The following NDRG1 variants were observed in gnomAD, a reference collection of about 807,000 sequenced individuals.
NDRG1 encodes the protein N-myc downstream regulated 1.
A neutral mutation model predicts 56.9 loss-of-function variants in NDRG1; 32 were observed. That is an observed-to-expected ratio of 0.56 (90% CI 0.42 to 0.76). NDRG1 has a LOEUF of 0.76. NDRG1 is among the 30% of genes least tolerant of loss of function. The pLI is 0.00. For missense variants in NDRG1, 507 were observed against 545.7 expected (o/e 0.93, Z 0.71); for synonymous variants, 211 against 204.1 (o/e 1.03, Z -0.29).
intron 12 of NDRG1, among the ~76,000 whole-genome samples, chr8:133,246,885 C>T (rs1855715006): frequency 6.6e-6 from 1 of 152,128 alleles, no homozygotes; most frequent in African/African-American, 2.4e-5. Context: ...CTTCTTTGGG[C>T]CTCAGTTTCC....
Position 133,258,735 on chromosome 8 carries a change from A to G in NDRG1, c.390-309T>C, listed in dbSNP as rs76311337. ...ACTCTTAAGCTTTATTTTGGATTCT[A>G]AAACTTGGAATGAAAACAAATTGAG... On this transcript the variant is annotated intron_variant, in intron 6 of 15. Transcript: ENST00000323851. Among the ~76,000 whole-genome samples, 1,441 of 152,330 alleles carry G rather than the reference A, an allele frequency of 9.5e-3. 8 individuals carry two copies. The highest frequency in any genetic ancestry group is 0.017 in the South Asian group (83 of 4,832).
At chr8:133,265,098 T>C in intron 3 of NDRG1, 1 of 252,484 alleles carries the variant, frequency 4.0e-6, no homozygotes, top group Non-Finnish European at 8.0e-6. Context: ...AGCCCTCAGT[T>C]TCCTTCAGGA....
chr8:133,264,480 C>T (rs901834572), intron 4 of NDRG1, 67 bp downstream of exon 4: 82 of 1,442,572 alleles, frequency 5.7e-5, no homozygotes, highest in Middle Eastern at 1.9e-4. Flanking sequence ...CAGCCCTTCT[C>T]GGCTGCCTTT....
In NDRG1 at chr8:133,244,519, G is replaced by C. The variant is rs984604047; in HGVS notation, c.856-129C>G. 8.4e-6 allele frequency: 9 copies of C among 1,072,538 alleles called. 1 individual carries two copies. The African/African-American group carries it at 1.4e-4, about 17-fold the overall frequency. 66.4% of individuals were successfully genotyped at this position (1,072,538 alleles called of 1,614,324 possible). ...TGCCTTGTCCTGCCTTACAAAGGAG[G>C]AACAGGGTGGACCGTGGGTAGGGAA... On this transcript the variant is annotated intron_variant, in intron 13 of 15. Transcript: ENST00000323851.
intron 1 of NDRG1, among the ~76,000 whole-genome samples, chr8:133,286,044 G>A (rs780197933): frequency 9.2e-5 from 14 of 152,260 alleles, no homozygotes; most frequent in Non-Finnish European, 1.9e-4. Flanking sequence ...AGCAAAGCGC[G>A]CCAGGGTGAA....
chr8:133,294,817 C>T (rs575859933), intron 1 of NDRG1, among the ~76,000 whole-genome samples: 1 of 152,336 alleles, frequency 6.6e-6, no homozygotes, highest in South Asian at 2.1e-4. Context: ...CCTTTGGCCT[C>T]AAAAGTTTCC....
At chr8:133,277,232 TGAG>T (rs1279445200) in intron 3 of NDRG1, among the ~76,000 whole-genome samples, 2 of 152,166 alleles carry the variant, frequency 1.3e-5, no homozygotes, top group Non-Finnish European at 2.9e-5. Flanking sequence ...AAAGCTAGAA[TGAG>T]GAGTTGTTTA....
intron 1 of NDRG1, among the ~76,000 whole-genome samples, chr8:133,294,799 G>C (rs1397990612): frequency 6.6e-6 from 1 of 152,030 alleles, no homozygotes; most frequent in African/African-American, 2.4e-5. Context: ...AAATCATTCC[G>C]CTCTGCCCCT....
intron 1 of NDRG1, among the ~76,000 whole-genome samples, chr8:133,296,319 G>A (rs1016848961): frequency 6.6e-6 from 1 of 152,124 alleles, no homozygotes; most frequent in African/African-American, 2.4e-5. Context: ...GCCAGCTCAA[G>A]GGGCCGCCAA....
At position 133,248,624 on chromosome 8, in the gene NDRG1, G is replaced by T. The variant is rs1432363719; in HGVS notation, c.755+91C>A. 8 of 1,415,304 alleles carry T rather than the reference G, an allele frequency of 5.7e-6. No individual in the cohort carries two copies. The Admixed American group carries it at 1.3e-4, about 24-fold the overall frequency. 87.7% of individuals were successfully genotyped at this position (1,415,304 alleles called of 1,614,324 possible). On this transcript the variant is annotated intron_variant, in intron 11 of 15. Transcript: ENST00000323851. ...CCAGGTCTCACTGACACAATGTCCT[G>T]CCACACTCAGAAAGAAGGCCCTGCC... is the stretch of plus-strand genomic sequence containing the variant.
At chr8:133,252,284 G>A (rs373223345) in intron 9 of NDRG1, among the ~76,000 whole-genome samples, 4 of 152,064 alleles carry the variant, frequency 2.6e-5, no homozygotes, top group South Asian at 2.1e-4. Context: ...CAGTAGAGAC[G>A]GGGTTTCACC....
intron 3 of NDRG1, among the ~76,000 whole-genome samples, chr8:133,275,563 A>G (rs538127179): frequency 2.0e-5 from 3 of 152,284 alleles, no homozygotes; most frequent in Admixed American, 6.5e-5. Flanking sequence ...CTTAAAAAAA[A>G]GCCTCAACCT....
chr8:133,275,698 T>C (rs1378225413), intron 3 of NDRG1, among the ~76,000 whole-genome samples: 4 of 152,238 alleles, frequency 2.6e-5, no homozygotes, highest in East Asian at 3.9e-4. Context: ...TGTTTGACTC[T>C]TTCTTCTGAG....
At chr8:133,264,108 A>G (rs1175849580) in intron 4 of NDRG1, among the ~76,000 whole-genome samples, 3 of 152,214 alleles carry the variant, frequency 2.0e-5, no homozygotes, top group Admixed American at 6.5e-5. Context: ...ATTTGATTCA[A>G]TGTATACAAA....
Position 133,284,330 on chromosome 8 carries a change from C to T in NDRG1, c.-18-1G>A, listed in dbSNP as rs1857982014. 3.7e-6 allele frequency: 6 copies of T among 1,611,368 alleles called. No homozygotes were observed. The highest frequency in any genetic ancestry group is 5.1e-6 in the Non-Finnish European group (6 of 1,180,018). ...GAGACATGTCCCTGCTGTCACCTGC[C>T]TGCAAGGAGACAAAGGCCAAAAGGT... On this transcript the variant is annotated splice_acceptor_variant, in intron 1 of 15. Transcript: ENST00000323851. LOFTEE classifies it low-confidence loss of function (5UTR_SPLICE).
At chr8:133,281,945 T>C (rs1857831133) in intron 2 of NDRG1, among the ~76,000 whole-genome samples, 1 of 152,146 alleles carries the variant, frequency 6.6e-6, no homozygotes, top group African/African-American at 2.4e-5. Flanking sequence ...CAGAGTATAG[T>C]GGCAATCTAG....
At chr8:133,258,041 C>G (rs1446639914) in intron 7 of NDRG1, among the ~76,000 whole-genome samples, 2 of 152,130 alleles carry the variant, frequency 1.3e-5, no homozygotes, top group African/African-American at 4.8e-5. Context: ...CAGGAGTGCC[C>G]TGACTACAAA....
chr8:133,272,981 C>A (rs528661964), intron 3 of NDRG1, among the ~76,000 whole-genome samples: 47 of 152,296 alleles, frequency 3.1e-4, no homozygotes, highest in African/African-American at 1.1e-3. Flanking sequence ...AAACAGCCCC[C>A]CCACCGAATG....
chr8:133,264,851 G>T, intron 3 of NDRG1, 199 bp from the exon 4 acceptor site: 1 of 629,178 alleles, frequency 1.6e-6, no homozygotes, highest in Admixed American at 2.3e-5. Context: ...CTCCCAGGAG[G>T]CAGGGGACAG....
Sources: allele counts gnomAD v4.1 joint callset (sites outside exome capture counted in the v4.1 genomes callset), GRCh38; gene constraint gnomAD v4.1.1; transcripts MANE v1.5; gene names NCBI Gene and HGNC (gene_info 2026-07-23, HGNC 2026-07-21).